The following SLC28A2 variants were observed in gnomAD, a reference collection of about 807,000 sequenced individuals.
SLC28A2 encodes solute carrier family 28 member 2, also known as sodium/nucleoside cotransporter 2.
In SLC28A2, 69 loss-of-function variants were observed where a neutral mutation model predicts 72.9. That is an observed-to-expected ratio of 0.95 (90% confidence interval 0.78 to 1.16). The LOEUF (loss-of-function observed/expected upper bound fraction) is 1.16, where lower values mean the gene tolerates loss of function less well. SLC28A2 is among the 50% of genes most tolerant of loss of function. The probability of loss-of-function intolerance (pLI) is 0.00; values close to 1 mark genes in which losing one functional copy is unlikely to be tolerated. For missense variants in SLC28A2, 745 were observed against 791.1 expected (o/e 0.94, Z 0.70); for synonymous variants, 296 against 294.1 (o/e 1.01, Z -0.07).
chr15:45,265,605 T>C lies in SLC28A2; in HGVS notation c.803T>C (p.Phe268Ser). The change falls in exon 9 of 18, where the codon TTT becomes TCT. Residue 268 changes from phenylalanine (F) to serine (S), a missense_variant. Coordinates refer to ENST00000347644, the MANE Select transcript of SLC28A2 (RefSeq NM_004212.4). ...CAGGCCTTACCAATCATCATTTTCT[T>C]TGGATGTGTGGTGTCCATTCTCTAC... is the stretch of plus-strand genomic sequence containing the variant. ...AFQALPIIIFFGCVVSILYYL... is the reference protein window; with the variant it reads ...AFQALPIIIFSGCVVSILYYL... The C allele has an allele frequency of 6.2e-7, 1 of 1,613,404 alleles. No individual in the cohort carries two copies. The highest frequency in any genetic ancestry group is 2.2e-5 in the East Asian group (1 of 44,878).
rs773618936 is a variant in SLC28A2 at position 45,253,316 on chromosome 15, C to T, written c.81+20C>T. On this transcript the variant is annotated intron_variant, in intron 2 of 17. Transcript: ENST00000347644. ...CTCATGGTAATCACCAGTTTAGTTT[C>T]TCTCTGCAGAGCTGTGGGCTGCTGC... 6.3e-6 allele frequency: 10 copies of T among 1,599,282 alleles called. No homozygotes were observed. The highest frequency in any genetic ancestry group is 8.6e-6 in the Non-Finnish European group (10 of 1,166,682).
In SLC28A2 at chr15:45,267,597, T is replaced by C. The variant is rs746721673; in HGVS notation, c.1068+17T>C. ...GCCTTTGGGGTAGGCATAGTCTGCT[T>C]GATCACTCCTGGGTGAACTCGAGTT... On this transcript the variant is annotated intron_variant, in intron 11 of 17. Transcript: ENST00000347644. 5.6e-6 allele frequency: 9 copies of C among 1,614,084 alleles called. No homozygotes were observed. Among genetic ancestry groups the C allele is most frequent in the Non-Finnish European group, 7.6e-6 (9 of 1,179,998 alleles).
At chr15:45,252,351 TG>T (rs1203983348) in intron 1 of SLC28A2, 73 bp downstream of exon 1, 1 of 454,040 alleles carries the variant, frequency 2.2e-6, no homozygotes, top group African/African-American at 2.0e-5. Flanking sequence ...TTAAACTAAA[TG>T]CAGGTAGTTT....
rs1049239428 is a variant in SLC28A2, at chr15:45,275,803, C to G, written c.*290C>G. Reference sequence around the variant, plus strand: ...ACAAAAAATTAGCCGGGAGTGGTGTCGGGCGACTGTAGTCCCAGCTACTCG... The same window carrying G: ...ACAAAAAATTAGCCGGGAGTGGTGTGGGGCGACTGTAGTCCCAGCTACTCG... On this transcript the variant is annotated 3_prime_UTR_variant, in exon 18 of 18. Transcript: ENST00000347644. 9.7e-6 allele frequency: 2 copies of G among 205,974 alleles called. No individual in the cohort carries two copies. 12.8% of individuals were successfully genotyped at this position (205,974 alleles called of 1,614,324 possible).
intron 15 of SLC28A2, among the ~76,000 whole-genome samples, chr15:45,271,564 GA>G (rs1319089686): frequency 7.5e-6 from 1 of 133,224 alleles, no homozygotes; most frequent in Admixed American, 8.3e-5. Context: ...CCTGTAGAAA[GA>G]AAAAAAGAAG....
chr15:45,262,001 T>G lies in SLC28A2; in HGVS notation c.171-14T>G. ...GGAGTAATTCTTGTATCTTAACTTTTGGGTTCTTATTAGGAGGAGTCGGTG... is the reference window on the plus strand; with the variant it reads ...GGAGTAATTCTTGTATCTTAACTTTGGGGTTCTTATTAGGAGGAGTCGGTG... On this transcript the variant is annotated splice_polypyrimidine_tract_variant and intron_variant, in intron 3 of 17. Coordinates refer to ENST00000347644, the MANE Select transcript of SLC28A2 (RefSeq NM_004212.4). 1 of 1,562,636 alleles carries G rather than the reference T, an allele frequency of 6.4e-7. No individual in the cohort carries two copies. Among genetic ancestry groups the G allele is most frequent in the Non-Finnish European group, 8.8e-7 (1 of 1,133,138 alleles).
intron 2 of SLC28A2, 44 bp from the exon 3 acceptor site, chr15:45,253,388 T>C: frequency 6.3e-7 from 1 of 1,576,434 alleles, no homozygotes; most frequent in Non-Finnish European, 8.7e-7. Context: ...CCATCATCCC[T>C]GGCAGGGCTC....
rs1567060106 is a variant in SLC28A2, at chr15:45,266,312, A to C, written c.942+151A>C. The C allele has an allele frequency of 1.4e-5, 9 of 652,290 alleles. No individual in the cohort carries two copies. In the East Asian group the frequency reaches 1.9e-4, roughly 14 times the overall value. The allele number at this position is 652,290 out of a possible 1,614,324, so 40.4% of individuals were successfully genotyped here. ...GAGAGATAACTCAGCAGCTCAAAGA[A>C]GACTCTGCTCATTGCGTTCACCCTT... is the stretch of plus-strand genomic sequence containing the variant. On this transcript the variant is annotated intron_variant, in intron 10 of 17. Transcript: ENST00000347644.
In SLC28A2 at chr15:45,266,223, C is replaced by A; in HGVS notation, c.942+62C>A. On this transcript the variant is annotated intron_variant, in intron 10 of 17. Transcript: ENST00000347644. Reference sequence around the variant, plus strand: ...GAGGAACTGAGAATTTGGCACAAAACAAGAGTATGCTTTCCTTCTGAAAAG... The same window carrying A: ...GAGGAACTGAGAATTTGGCACAAAAAAAGAGTATGCTTTCCTTCTGAAAAG... The A allele has an allele frequency of 2.6e-6, 3 of 1,159,038 alleles. No homozygotes were observed. The South Asian group carries it at 3.7e-5, about 14-fold the overall frequency. 71.8% of individuals were successfully genotyped at this position (1,159,038 alleles called of 1,614,324 possible).
chr15:45,259,026 T>C (rs959558373), intron 3 of SLC28A2, among the ~76,000 whole-genome samples: 1 of 152,236 alleles, frequency 6.6e-6, no homozygotes, highest in African/African-American at 2.4e-5. Flanking sequence ...TAGCTTTGGT[T>C]TGTATTTCCC....
chr15:45,267,353 T>A (rs1595678707), intron 10 of SLC28A2, 102 bp from the exon 11 acceptor site: 1 of 1,254,914 alleles, frequency 8.0e-7, no homozygotes, highest in East Asian at 2.3e-5. Context: ...TCACACTGGA[T>A]GGATGTGTAT....
rs1268899566 is a variant in SLC28A2 at position 45,252,243 on chromosome 15, C to G, written c.-52C>G. 1 of 455,632 alleles carries G rather than the reference C, an allele frequency of 2.2e-6. No homozygotes were observed. Among genetic ancestry groups the G allele is most frequent in the Non-Finnish European group, 4.4e-6 (1 of 226,802 alleles). 28.2% of individuals were successfully genotyped at this position (455,632 alleles called of 1,614,324 possible). On this transcript the variant is annotated 5_prime_UTR_variant, in exon 1 of 18. Transcript: ENST00000347644. Reference sequence around the variant, plus strand: ...GCTGAGCTTTTCTTTCAGTCCTTCACTGAGGAGCCAGAGGGAATCAATTCC... The same window carrying G: ...GCTGAGCTTTTCTTTCAGTCCTTCAGTGAGGAGCCAGAGGGAATCAATTCC...
chr15:45,267,787 T>G lies in SLC28A2; in HGVS notation c.1190T>G (p.Leu397Arg), dbSNP rs1900392307. ...SKFKSEEGVK[L>R]PRGKERNVLE... is the part of the protein sequence containing the mutation. Reference sequence around the variant, plus strand: ...TTCAAGAGTGAGGAGGGGGTAAAGCTGCCCCGTGGGTGAGTCCAAGGAGGC... The same window carrying G: ...TTCAAGAGTGAGGAGGGGGTAAAGCGGCCCCGTGGGTGAGTCCAAGGAGGC... Residue 397 changes from leucine to arginine, a missense_variant, in exon 12 of 18, where the codon CTG becomes CGG. Coordinates refer to ENST00000347644, the MANE Select transcript of SLC28A2 (RefSeq NM_004212.4). The G allele has an allele frequency of 6.2e-7, 1 of 1,613,904 alleles. No individual in the cohort carries two copies. Among genetic ancestry groups the G allele is most frequent in the Non-Finnish European group, 8.5e-7 (1 of 1,179,994 alleles).
rs751285941 is a variant in SLC28A2 at position 45,262,064 on chromosome 15, G to A, written c.220G>A (p.Ala74Thr). Residue 74 changes from alanine to threonine, a missense_variant, in exon 4 of 18, where the codon GCC (alanine) becomes ACC (threonine). Physicochemically the swap from Ala to Thr is moderately conservative, Grantham distance 58 (BLOSUM62 0). Coordinates refer to ENST00000347644, the MANE Select transcript of SLC28A2 (RefSeq NM_004212.4). ...AGCAAGAAGTTTCTGCAAAACACACGCCAGCTTGTTCAAGAAGATCCTGTT... is the reference window on the plus strand; with the variant it reads ...AGCAAGAAGTTTCTGCAAAACACACACCAGCTTGTTCAAGAAGATCCTGTT... ...SKARSFCKTHASLFKKILLGL... is the reference protein window; with the variant it reads ...SKARSFCKTHTSLFKKILLGL... 6.8e-6 allele frequency: 11 copies of A among 1,613,514 alleles called. No homozygotes were observed. Among genetic ancestry groups the A allele is most frequent in the Non-Finnish European group, 5.9e-6 (7 of 1,179,524 alleles).
At chr15:45,274,336 TAAAAC>T (rs565069955) in intron 17 of SLC28A2, among the ~76,000 whole-genome samples, 4 of 151,950 alleles carry the variant, frequency 2.6e-5, no homozygotes, top group Admixed American at 2.0e-4. Flanking sequence ...CCATCTCTAC[TAAAAC>T]AAAACAAAAC....
rs1219897579 is a variant in SLC28A2 at position 45,269,397 on chromosome 15, C to A, written c.1428C>A (p.Asp476Glu). The A allele has an allele frequency of 4.3e-6, 7 of 1,613,928 alleles. No homozygotes were observed. Among genetic ancestry groups the A allele is most frequent in the African/African-American group, 1.3e-5 (1 of 74,902 alleles). Residue 476 changes from aspartate (D) to glutamate (E), a missense_variant, in exon 14 of 18, where the codon GAC becomes GAA. By Grantham distance (45) the Asp-to-Glu change is conservative. Transcript: ENST00000347644. ...TCATGATGGGTGTAGAGTGGACAGA[C>A]TGTCCAATGGTGGCTGAGATGGTGG... is the stretch of plus-strand genomic sequence containing the variant. ...MVFMMGVEWT[D>E]CPMVAEMVGI...
Position 45,262,058 on chromosome 15 carries a change from A to G in SLC28A2, c.214A>G (p.Thr72Ala), listed in dbSNP as rs762845301. 1.2e-5 allele frequency: 19 copies of G among 1,613,662 alleles called. No individual in the cohort carries two copies. The African/African-American group carries it at 2.5e-4, about 22-fold the overall frequency. ...PFSKARSFCK[T>A]HASLFKKILL... ...CAGCAAAGCAAGAAGTTTCTGCAAA[A>G]CACACGCCAGCTTGTTCAAGAAGAT... The change falls in exon 4 of 18, where the codon ACA becomes GCA. Residue 72 changes from threonine to alanine, a missense_variant. By Grantham distance (58) the Thr-to-Ala change is moderately conservative. Coordinates refer to ENST00000347644, the MANE Select transcript of SLC28A2 (RefSeq NM_004212.4).
In SLC28A2 at chr15:45,265,620, C is replaced by T. The variant is rs1463864452; in HGVS notation, c.818C>T (p.Ser273Phe). The change falls in exon 9 of 18, where the codon TCC (serine) becomes TTC (phenylalanine). Residue 273 changes from serine (S) to phenylalanine (F), a missense_variant. Transcript: ENST00000347644. ...ATCATTTTCTTTGGATGTGTGGTGTCCATTCTCTACTACCTGGGCCTTGTG... is the reference window on the plus strand; with the variant it reads ...ATCATTTTCTTTGGATGTGTGGTGTTCATTCTCTACTACCTGGGCCTTGTG... ...PIIIFFGCVVSILYYLGLVQW... is the reference protein window; with the variant it reads ...PIIIFFGCVVFILYYLGLVQW... 2.5e-6 allele frequency: 4 copies of T among 1,613,736 alleles called. No individual in the cohort carries two copies. Among genetic ancestry groups the T allele is most frequent in the Non-Finnish European group, 3.4e-6 (4 of 1,179,632 alleles).
intron 17 of SLC28A2, 87 bp downstream of exon 17, chr15:45,272,871 G>A: frequency 1.4e-6 from 1 of 720,676 alleles, no homozygotes; most frequent in Non-Finnish European, 2.5e-6. Flanking sequence ...GAGTGTATAA[G>A]GGCTGTGAGT....
Sources: gnomAD v4.1 joint callset for allele counts (sites outside exome capture counted in the v4.1 genomes callset) on GRCh38, gnomAD v4.1.1 for gene constraint, MANE v1.5 for transcripts, NCBI Gene and HGNC (gene_info 2026-07-23, HGNC 2026-07-21) for gene names.